RSF1: variants seen among roughly 807,000 people sequenced by gnomAD.
RSF1 encodes the protein remodeling and spacing factor 1.
Under a neutral mutation model 145.2 loss-of-function variants are expected in RSF1, and 13 were observed. The observed-to-expected ratio is 0.09, with a 90% CI of 0.06 to 0.14. RSF1 has a LOEUF of 0.14. RSF1 is among the 10% of genes least tolerant of loss of function. RSF1 has a pLI of 1.00. For synonymous variants in RSF1, 577 were observed against 592.6 expected, an observed-to-expected ratio of 0.97 and a Z score of 0.38; for missense variants, 1,517 against 1,718.2, an observed-to-expected ratio of 0.88 and a Z score of 2.07.
In RSF1 at chr11:77,813,605, T is replaced by TA. The variant is rs1565188840; in HGVS notation, c.187+6922dup. 2.2e-5 allele frequency: 14 copies of TA among 643,492 alleles called. No homozygotes were observed. The South Asian group carries it at 2.2e-4, about 10-fold the overall frequency. The allele number at this position is 643,492 out of a possible 1,614,324, so 39.9% of individuals were successfully genotyped here. A position where few individuals can be genotyped will look rare whatever the true frequency, so the allele number is the denominator to read the frequency against. On this transcript the variant is annotated intron_variant, in intron 1 of 15. Transcript: ENST00000308488. ...CCAGGGATTTTATGTTGCGGCTCGT[T>TA]AGAGTGATTCAATTTCGGTGAACTG...
At chr11:77,777,361 G>A (rs1291046469) in intron 1 of RSF1, among the ~76,000 whole-genome samples, 2 of 152,136 alleles carry the variant, frequency 1.3e-5, no homozygotes, top group Non-Finnish European at 2.9e-5. Flanking sequence ...GGAGGCTGCA[G>A]CGGGTGGATC....
rs1959365300 is a variant in RSF1 at position 77,666,432 on chromosome 11, T to C, written c.*485A>G. On this transcript the variant is annotated 3_prime_UTR_variant, in exon 16 of 16. Transcript: ENST00000308488. ...ATTCTCAAACTGTAACAGTACAGAC[T>C]TGAACTTTTAAATTGTCTGTAAATC... 1 of 152,610 alleles carries C rather than the reference T, an allele frequency of 6.6e-6. No individual in the cohort carries two copies. Among genetic ancestry groups the C allele is most frequent in the African/African-American group, 2.4e-5 (1 of 41,418 alleles). The allele number at this position is 152,610 out of a possible 1,614,324, so 9.5% of individuals were successfully genotyped here.
At chr11:77,837,489 CT>C in the RSF1 span, among the ~76,000 whole-genome samples, 25,251 of 151,698 alleles carry the variant, frequency 0.17, 2,495 homozygotes, top group African/African-American at 0.26. Context: ...GAGTCTCGCT[CT>C]GTCACCCAGG....
rs561081366 is a variant in RSF1 at position 77,812,393 on chromosome 11, T to G, written c.187+8135A>C. 2.0e-5 allele frequency among the ~76,000 whole-genome samples: 3 copies of G among 152,268 alleles called. No individual in the cohort carries two copies. In the South Asian group the frequency reaches 6.2e-4, roughly 32 times the overall value. ...GATTAAGATAAACATGTACAAATACTGGAGAATAAAGCTTAGAGTCTAAAA... is the reference window on the plus strand; with the variant it reads ...GATTAAGATAAACATGTACAAATACGGGAGAATAAAGCTTAGAGTCTAAAA... On this transcript the variant is annotated intron_variant, in intron 1 of 15. Transcript: ENST00000308488.
chr11:77,815,330 G>T (rs1297594886), intron 1 of RSF1, among the ~76,000 whole-genome samples: 1 of 152,042 alleles, frequency 6.6e-6, no homozygotes, highest in Non-Finnish European at 1.5e-5. Context: ...GTTTTTAAAA[G>T]AAAATAGAAA....
intron 13 of RSF1, among the ~76,000 whole-genome samples, chr11:77,675,619 G>A (rs991185282): frequency 9.2e-5 from 14 of 152,164 alleles, no homozygotes; most frequent in Admixed American, 3.3e-4. Flanking sequence ...AACCAGAAAC[G>A]TGGTATTTAT....
intron 2 of RSF1, among the ~76,000 whole-genome samples, chr11:77,753,082 G>C (rs1948080503): frequency 6.6e-6 from 1 of 152,194 alleles, no homozygotes; most frequent in African/African-American, 2.4e-5. Context: ...CCATAAAAAT[G>C]GGCAAGCAGC....
At chr11:77,674,932 G>A in intron 14 of RSF1, 104 bp downstream of exon 14, 2 of 845,026 alleles carry the variant, frequency 2.4e-6, no homozygotes, top group East Asian at 5.2e-5. Flanking sequence ...CCGGGACACA[G>A]AGGTTGCAGT....
chr11:77,869,859 A>G, the RSF1 span: 1 of 1,578,876 alleles, frequency 6.3e-7, no homozygotes, highest in Non-Finnish European at 8.7e-7. Flanking sequence ...ACAGGTGGGG[A>G]TCTCTTGGGC....
intron 4 of RSF1, among the ~76,000 whole-genome samples, chr11:77,726,487 T>C (rs1961056588): frequency 6.6e-6 from 1 of 152,162 alleles, no homozygotes; most frequent in African/African-American, 2.4e-5. Context: ...ATATTTTTAC[T>C]AGCAAAAACA....
At chr11:77,811,623 C>A (rs1368475225) in intron 1 of RSF1, among the ~76,000 whole-genome samples, 1 of 152,088 alleles carries the variant, frequency 6.6e-6, no homozygotes, top group Admixed American at 6.6e-5. Context: ...GACTCAGAGG[C>A]AGGAGGACGA....
the RSF1 span, among the ~76,000 whole-genome samples, chr11:77,838,789 T>C: frequency 1.4e-3 from 220 of 152,206 alleles, no homozygotes; most frequent in African/African-American, 5.0e-3. Context: ...GCTATTTTTT[T>C]GTATTTTTAG....
At chr11:77,804,743 G>A (rs980303375) in intron 1 of RSF1, among the ~76,000 whole-genome samples, 2 of 152,192 alleles carry the variant, frequency 1.3e-5, no homozygotes, top group African/African-American at 2.4e-5. Context: ...TGAGGTGGAA[G>A]GATAGCTTGA....
intron 8 of RSF1, 61 bp downstream of exon 8, chr11:77,693,446 A>G (rs897031355): frequency 1.1e-5 from 11 of 1,030,554 alleles, no homozygotes; most frequent in Non-Finnish European, 1.7e-5. Flanking sequence ...AGTAGCTATT[A>G]AACAGTTATT....
At chr11:77,836,473 C>T in the RSF1 span, among the ~76,000 whole-genome samples, 2 of 152,174 alleles carry the variant, frequency 1.3e-5, no homozygotes, top group African/African-American at 4.8e-5. Context: ...TCGCCATAAA[C>T]CAACCAATCC....
chr11:77,774,507 G>A (rs1305189693), intron 1 of RSF1, among the ~76,000 whole-genome samples: 3 of 151,814 alleles, frequency 2.0e-5, no homozygotes, highest in Non-Finnish European at 4.4e-5. Flanking sequence ...AGGAGGTGGA[G>A]GTTGCAGTGA....
chr11:77,705,880 C>A (rs1162579739), intron 5 of RSF1, among the ~76,000 whole-genome samples: 3 of 151,864 alleles, frequency 2.0e-5, no homozygotes, highest in Admixed American at 2.0e-4. Flanking sequence ...ACAAAAAAAC[C>A]CAACAAACCA....
chr11:77,831,177 C>T, the RSF1 span, among the ~76,000 whole-genome samples: 1 of 152,038 alleles, frequency 6.6e-6, no homozygotes, highest in East Asian at 1.9e-4. Flanking sequence ...AATACCACTT[C>T]ACACCCACAA....
In RSF1 at chr11:77,698,548, G is replaced by A. The variant is rs767469598; in HGVS notation, c.2654C>T (p.Ala885Val). 1 of 1,614,066 alleles carries A rather than the reference G, an allele frequency of 6.2e-7. No individual in the cohort carries two copies. The highest frequency in any genetic ancestry group is 1.1e-5 in the South Asian group (1 of 91,070). ...EEEEEKESEE[A>V]ILADDDEPCK... ...TGGTTCATCATCATCTGCTAGGATGGCTTCTTCACTTTCCTTTTCTTCCTC... is the reference window on the plus strand; with the variant it reads ...TGGTTCATCATCATCTGCTAGGATGACTTCTTCACTTTCCTTTTCTTCCTC... Residue 885 changes from alanine to valine, a missense_variant, in exon 7 of 16, where the codon GCC (alanine) becomes GTC (valine). Coordinates refer to ENST00000308488, the MANE Select transcript of RSF1 (RefSeq NM_016578.4).
Sources: gnomAD v4.1 joint callset for allele counts (sites outside exome capture counted in the v4.1 genomes callset) on GRCh38, gnomAD v4.1.1 for gene constraint, MANE v1.5 for transcripts, NCBI Gene and HGNC (gene_info 2026-07-23, HGNC 2026-07-21) for gene names.